DACH1: variants seen among roughly 807,000 people sequenced by gnomAD.
DACH1 encodes dachshund homolog 1.
In DACH1, 12 loss-of-function variants were observed where a neutral mutation model predicts 54.2. That is an observed-to-expected ratio of 0.22 (90% CI 0.14 to 0.36). The LOEUF (loss-of-function observed/expected upper bound fraction) is 0.36. DACH1 is among the 10% of genes least tolerant of loss of function. The probability of loss-of-function intolerance (pLI) is 1.00; values close to 1 mark genes in which losing one functional copy is unlikely to be tolerated. For synonymous variants in DACH1, 386 were observed against 366.2 expected (o/e 1.05, Z -0.62); for missense variants, 805 against 929.8 (o/e 0.87, Z 1.75).
intron 3 of DACH1, among the ~76,000 whole-genome samples, chr13:71,616,526 C>T (rs562536426): frequency 2.5e-4 from 38 of 152,160 alleles, no homozygotes; most frequent in East Asian, 7.7e-4. Context: ...AGGGGAGGAT[C>T]GTTTGAGGCC....
intron 1 of DACH1, among the ~76,000 whole-genome samples, chr13:71,759,212 T>TAA (rs541567222): frequency 6.8e-6 from 1 of 146,968 alleles, no homozygotes; most frequent in African/African-American, 2.5e-5. Context: ...TTTTTGTCCC[T>TAA]AAAAAAAAAA....
intron 3 of DACH1, among the ~76,000 whole-genome samples, chr13:71,584,654 GA>G (rs901525431): frequency 6.6e-6 from 1 of 151,672 alleles, no homozygotes; most frequent in African/African-American, 2.4e-5. Context: ...CTGAACTGTT[GA>G]AAAAATATTT....
At chr13:71,687,157 A>T (rs1361765382) in intron 1 of DACH1, among the ~76,000 whole-genome samples, 3 of 152,084 alleles carry the variant, frequency 2.0e-5, no homozygotes, top group African/African-American at 7.2e-5. Flanking sequence ...TATTCTGCAT[A>T]TTTTTTTCTA....
Position 71,440,570 on chromosome 13 carries a change from CTTTA to C in DACH1, c.*81_*84del. 9.2e-7 allele frequency: 1 copy of C among 1,081,086 alleles called. No homozygotes were observed. The highest frequency in any genetic ancestry group is 1.4e-6 in the Non-Finnish European group (1 of 736,746). The allele number at this position is 1,081,086 out of a possible 1,614,324, so 67.0% of individuals were successfully genotyped here. A position where few individuals can be genotyped will look rare whatever the true frequency, so the allele number is the denominator to read the frequency against. On this transcript the variant is annotated 3_prime_UTR_variant, in exon 11 of 11. Coordinates refer to ENST00000613252, the MANE Select transcript of DACH1 (RefSeq NM_080759.6). ...AATTCAGGAAGTTCCCTTAAAAGGA[CTTTA>C]TTTTTTTCTGAACTTTCCCATGACG...
intron 1 of DACH1, among the ~76,000 whole-genome samples, chr13:71,749,456 A>G (rs541594509): frequency 6.6e-6 from 1 of 152,278 alleles, no homozygotes; most frequent in East Asian, 1.9e-4. Context: ...AAAGTTGAAC[A>G]AATCAGATAA....
At chr13:71,599,292 T>G (rs973049074) in intron 3 of DACH1, among the ~76,000 whole-genome samples, 1 of 152,140 alleles carries the variant, frequency 6.6e-6, no homozygotes, top group Non-Finnish European at 1.5e-5. Context: ...AGGCAAGTTT[T>G]AGCTAAATCA....
intron 1 of DACH1, among the ~76,000 whole-genome samples, chr13:71,817,047 C>T (rs996627820): frequency 2.6e-5 from 4 of 151,746 alleles, no homozygotes; most frequent in Non-Finnish European, 5.9e-5. Flanking sequence ...ACGCTTGTAC[C>T]CCTGAATTTA....
intron 7 of DACH1, among the ~76,000 whole-genome samples, chr13:71,484,037 T>C (rs1223555546): frequency 6.6e-6 from 1 of 152,216 alleles, no homozygotes. Context: ...TTCAGTCTTA[T>C]ACTTAATTCT....
intron 1 of DACH1, among the ~76,000 whole-genome samples, chr13:71,817,868 G>A (rs554774368): frequency 8.2e-4 from 111 of 135,622 alleles, no homozygotes; most frequent in African/African-American, 2.7e-3. Context: ...AGGCTGGAGT[G>A]CACTGGCATG....
intron 6 of DACH1, among the ~76,000 whole-genome samples, chr13:71,538,892 G>C (rs949051836): frequency 1.1e-4 from 17 of 151,948 alleles, no homozygotes; most frequent in African/African-American, 4.1e-4. Context: ...TTTAAAAAGA[G>C]GAAATAACAT....
At chr13:71,600,488 T>C (rs150187105) in intron 3 of DACH1, among the ~76,000 whole-genome samples, 1 of 152,156 alleles carries the variant, frequency 6.6e-6, no homozygotes, top group East Asian at 1.9e-4. Flanking sequence ...GATTATATGT[T>C]ATATCCTTAT....
intron 1 of DACH1, among the ~76,000 whole-genome samples, chr13:71,776,502 A>C (rs1886071291): frequency 6.6e-6 from 1 of 152,234 alleles, no homozygotes; most frequent in Admixed American, 6.5e-5. Context: ...TGATTAATAA[A>C]GAATTAGATC....
At chr13:71,619,892 T>C (rs547400444) in intron 3 of DACH1, among the ~76,000 whole-genome samples, 1 of 152,048 alleles carries the variant, frequency 6.6e-6, no homozygotes, top group East Asian at 1.9e-4. Flanking sequence ...ATACATGTAT[T>C]TTAATATATT....
chr13:71,469,504 T>G (rs1286433578), intron 10 of DACH1, among the ~76,000 whole-genome samples: 3 of 152,164 alleles, frequency 2.0e-5, no homozygotes, highest in Non-Finnish European at 4.4e-5. Context: ...TTAACAATCC[T>G]AATCTAAAAG....
intron 10 of DACH1, among the ~76,000 whole-genome samples, chr13:71,471,784 G>GAAACT (rs1877102611): frequency 6.6e-6 from 1 of 151,818 alleles, no homozygotes; most frequent in Non-Finnish European, 1.5e-5. Flanking sequence ...AAAAAAGAAG[G>GAAACT]AAACTATGAA....
At chr13:71,716,006 G>T (rs1025749572) in intron 1 of DACH1, among the ~76,000 whole-genome samples, 2 of 151,994 alleles carry the variant, frequency 1.3e-5, no homozygotes, top group Non-Finnish European at 2.9e-5. Context: ...CAACATGTCT[G>T]ATGTAAACTT....
chr13:71,768,681 G>A (rs74828687), intron 1 of DACH1, among the ~76,000 whole-genome samples: 3,652 of 151,878 alleles, frequency 0.024, 82 homozygotes, highest in Non-Finnish European at 0.032. Flanking sequence ...AATAAATACA[G>A]AATAATCTTT....
At chr13:71,610,390 C>T (rs2138514580) in intron 3 of DACH1, among the ~76,000 whole-genome samples, 1 of 152,270 alleles carries the variant, frequency 6.6e-6, no homozygotes, top group East Asian at 1.9e-4. Context: ...AGTGATGTTT[C>T]TACCCCTCGT....
intron 1 of DACH1, among the ~76,000 whole-genome samples, chr13:71,805,765 T>C (rs574744321): frequency 6.6e-6 from 1 of 152,314 alleles, no homozygotes; most frequent in South Asian, 2.1e-4. Flanking sequence ...GCACAGCTTT[T>C]ATATTTGCTT....
Sources: gnomAD v4.1 joint callset for allele counts (sites outside exome capture counted in the v4.1 genomes callset) on GRCh38, gnomAD v4.1.1 for gene constraint, MANE v1.5 for transcripts, NCBI Gene and HGNC (gene_info 2026-07-23, HGNC 2026-07-21) for gene names.